PXDNL: variants seen among roughly 807,000 people sequenced by gnomAD.
The protein encoded by PXDNL is peroxidasin like.
PXDNL carries 145 observed loss-of-function variants against 150.8 expected under a neutral mutation model. The ratio of observed to expected loss-of-function variants is 0.96; its 90% CI spans 0.84 to 1.10. The LOEUF is 1.10. Among genes scored for constraint, PXDNL ranks in the 50% least tolerant of loss-of-function variants. PXDNL has a pLI of 0.00. For synonymous variants in PXDNL, 757 were observed against 725.7 expected (o/e 1.04, Z -0.69); for missense variants, 2,087 against 1,873.9 (o/e 1.11, Z -2.10).
intron 8 of PXDNL, among the ~76,000 whole-genome samples, chr8:51,467,673 A>G (rs1286678172): frequency 6.6e-6 from 1 of 152,074 alleles, no homozygotes; most frequent in African/African-American, 2.4e-5. Context: ...CTCTTTCATC[A>G]AGTCATTGTC....
chr8:51,695,276 C>T (rs1816090305), intron 1 of PXDNL, among the ~76,000 whole-genome samples: 1 of 152,068 alleles, frequency 6.6e-6, no homozygotes, highest in Admixed American at 6.6e-5. Context: ...TTATCATTTC[C>T]TATCAGTAGT....
chr8:51,808,790 T>C (rs1366948307), intron 1 of PXDNL, among the ~76,000 whole-genome samples: 1 of 152,164 alleles, frequency 6.6e-6, no homozygotes, highest in African/African-American at 2.4e-5. Flanking sequence ...CACTCTAAAG[T>C]TAAATTAGTT....
intron 6 of PXDNL, among the ~76,000 whole-genome samples, chr8:51,478,063 G>C (rs900731101): frequency 6.6e-6 from 1 of 151,986 alleles, no homozygotes; most frequent in South Asian, 2.1e-4. Context: ...ATGATAATCT[G>C]AGTAATCTTT....
intron 1 of PXDNL, among the ~76,000 whole-genome samples, chr8:51,661,478 G>A (rs1460909711): frequency 6.6e-6 from 1 of 152,196 alleles, no homozygotes; most frequent in East Asian, 1.9e-4. Context: ...CAACGTAGTT[G>A]GGCCTCATCC....
chr8:51,361,960 A>AAAAAAAAAAAAAAAAAAAAAAAAAAG (rs1563374211), intron 19 of PXDNL, among the ~76,000 whole-genome samples: 1 of 148,898 alleles, frequency 6.7e-6, no homozygotes, highest in African/African-American at 2.5e-5. Context: ...AAAAAAAAAA[A>AAAAAAAAAAAAAAAAAAAAAAAAAAG]AAAAAGAAAA....
At chr8:51,697,377 T>G (rs941745390) in intron 1 of PXDNL, among the ~76,000 whole-genome samples, 1 of 152,156 alleles carries the variant, frequency 6.6e-6, no homozygotes, top group African/African-American at 2.4e-5. Flanking sequence ...TATTTTTATT[T>G]TCAAAAGATT....
rs376970121 is a variant in PXDNL at position 51,401,907 on chromosome 8, G to A, written c.3557+6160C>T. On this transcript the variant is annotated intron_variant, in intron 17 of 22. Coordinates refer to ENST00000356297, the MANE Select transcript of PXDNL (RefSeq NM_144651.5). Reference sequence around the variant, plus strand: ...TCAGGAAAGGTGACGGGGTGGTGTCGATGCAAGGTCTTTAAAGGCTGACAT... The same window carrying A: ...TCAGGAAAGGTGACGGGGTGGTGTCAATGCAAGGTCTTTAAAGGCTGACAT... Among the ~76,000 whole-genome samples, 3 of 152,286 alleles carry A rather than the reference G, an allele frequency of 2.0e-5. No individual in the cohort carries two copies. In the East Asian group the frequency reaches 5.8e-4, roughly 29 times the overall value.
chr8:51,347,411 T>A (rs1425995286), intron 19 of PXDNL, among the ~76,000 whole-genome samples: 1 of 152,232 alleles, frequency 6.6e-6, no homozygotes, highest in East Asian at 1.9e-4. Context: ...ATGAACTCAC[T>A]GGTATTAAAA....
In PXDNL at chr8:51,413,210, A is replaced by G; in HGVS notation, c.1844T>C (p.Leu615Pro). Residue 615 changes from leucine to proline, a missense_variant, in exon 15 of 23, where the codon CTT (leucine) becomes CCT (proline). By Grantham distance (98) the Leu-to-Pro change is moderately conservative (BLOSUM62 -3). Coordinates refer to ENST00000356297, the MANE Select transcript of PXDNL (RefSeq NM_144651.5). ...AGDDFVESSI[L>P]DAVQRVDSAI... ...ACTGTCAACTCTCTGTACAGCATCA[A>G]GAATGGAAGATTCAACAAAGTCATC... 2 of 1,612,896 alleles carry G rather than the reference A, an allele frequency of 1.2e-6. No homozygotes were observed. Among genetic ancestry groups the G allele is most frequent in the Non-Finnish European group, 1.7e-6 (2 of 1,179,036 alleles).
chr8:51,744,979 AGAAAGAAAGAAAGGGAGGGAG>A (rs2036966176), intron 1 of PXDNL, among the ~76,000 whole-genome samples: 1 of 4,616 alleles, frequency 2.2e-4, no homozygotes, highest in Middle Eastern at 0.12. Context: ...AAAGAAAGAA[AGAAAGAAAGAAAGGGAGGGAG>A]GGAAGAAAAG....
intron 18 of PXDNL, 111 bp downstream of exon 18, chr8:51,374,486 T>C (rs1321643544): frequency 3.0e-6 from 3 of 1,006,256 alleles, no homozygotes; most frequent in East Asian, 2.5e-5. Context: ...ATATTCATTA[T>C]ACTCAATATG....
chr8:51,685,439 C>A (rs949899077), intron 1 of PXDNL, among the ~76,000 whole-genome samples: 1 of 152,320 alleles, frequency 6.6e-6, no homozygotes, highest in East Asian at 1.9e-4. Flanking sequence ...AAAGCCCTCA[C>A]GAGTAAAGCC....
At chr8:51,634,242 C>T (rs889195866) in intron 2 of PXDNL, among the ~76,000 whole-genome samples, 18 of 151,888 alleles carry the variant, frequency 1.2e-4, no homozygotes, top group African/African-American at 3.9e-4. Flanking sequence ...GAGTCTTTTC[C>T]CCATTGTTTA....
Position 51,408,061 on chromosome 8 carries a change from ACTT to A in PXDNL, c.3557+3_3557+5del, listed in dbSNP as rs1563397024. On this transcript the variant is annotated splice_donor_5th_base_variant and intron_variant, in intron 17 of 22. Transcript: ENST00000356297. ...GTTTAAATCCAGGCAGCATTTGCATACTTACTTTCTCAGTTTTTGTCTAATCTC... is the reference window on the plus strand; with the variant it reads ...GTTTAAATCCAGGCAGCATTTGCATAACTTTCTCAGTTTTTGTCTAATCTC... 1 of 1,593,676 alleles carries A rather than the reference ACTT, an allele frequency of 6.3e-7. No homozygotes were observed. The highest frequency in any genetic ancestry group is 1.8e-5 in the Admixed American group (1 of 56,358).
chr8:51,718,148 C>A (rs1816655045), intron 1 of PXDNL, among the ~76,000 whole-genome samples: 1 of 152,070 alleles, frequency 6.6e-6, no homozygotes, highest in South Asian at 2.1e-4. Flanking sequence ...GGAGCATGGG[C>A]AAGTACACAG....
chr8:51,479,951 T>A (rs996778241), intron 6 of PXDNL, among the ~76,000 whole-genome samples: 1 of 152,004 alleles, frequency 6.6e-6, no homozygotes, highest in East Asian at 1.9e-4. Context: ...CCAAGAAGAC[T>A]GGGAAGCAGC....
chr8:51,680,435 A>C (rs1391424986), intron 1 of PXDNL, among the ~76,000 whole-genome samples: 2 of 152,198 alleles, frequency 1.3e-5, no homozygotes, highest in Middle Eastern at 3.2e-3. Flanking sequence ...CAATTTTATA[A>C]ATGAAGGTGT....
At chr8:51,345,119 C>A (rs1032840137) in intron 20 of PXDNL, among the ~76,000 whole-genome samples, 2 of 152,180 alleles carry the variant, frequency 1.3e-5, no homozygotes, top group Non-Finnish European at 2.9e-5. Context: ...CTTGAAAGAA[C>A]CTGCATGGAC....
At chr8:51,628,399 CTTTTTTTTTTTTTTTTT>C (rs71550276) in intron 2 of PXDNL, among the ~76,000 whole-genome samples, 1 of 69,748 alleles carries the variant, frequency 1.4e-5, no homozygotes, top group Non-Finnish European at 2.4e-5. Flanking sequence ...CTTTTCTTTT[CTTTTTTTTTTTTTTTTT>C]TTTTTTGGAG....
Sources: gnomAD v4.1 joint callset for allele counts (sites outside exome capture counted in the v4.1 genomes callset) on GRCh38, gnomAD v4.1.1 for gene constraint, MANE v1.5 for transcripts, NCBI Gene and HGNC (gene_info 2026-07-23, HGNC 2026-07-21) for gene names.